CNTN3: variants seen among roughly 807,000 people sequenced by gnomAD.
CNTN3 encodes the protein contactin-3.
CNTN3 carries 60 observed loss-of-function variants against 119.1 expected under a neutral mutation model. That is an observed-to-expected ratio of 0.50 (90% CI 0.41 to 0.62). The LOEUF (loss-of-function observed/expected upper bound fraction) is 0.62. Among genes scored for constraint, CNTN3 ranks in the 20% least tolerant of loss-of-function variants. CNTN3 has a pLI of 0.00. For missense variants in CNTN3, 1,101 were observed against 1,242.4 expected (o/e 0.89, Z 1.71); for synonymous variants, 450 against 438.7 (o/e 1.03, Z -0.32).
At chr3:74,603,495 C>G (rs1037653700) in intron 1 of CNTN3, among the ~76,000 whole-genome samples, 5 of 152,120 alleles carry the variant, frequency 3.3e-5, no homozygotes, top group African/African-American at 1.2e-4. Flanking sequence ...ACCCACAGCT[C>G]TCATGCAACG....
intron 4 of CNTN3, among the ~76,000 whole-genome samples, chr3:74,465,328 A>C (rs1471785342): frequency 6.6e-6 from 1 of 152,180 alleles, no homozygotes; most frequent in Non-Finnish European, 1.5e-5. Context: ...AACAACAACA[A>C]AAAGGTCTTT....
chr3:74,408,349 T>C (rs963184297), intron 5 of CNTN3, among the ~76,000 whole-genome samples: 7 of 152,160 alleles, frequency 4.6e-5, no homozygotes, highest in African/African-American at 1.4e-4. Flanking sequence ...AAGATTTGCA[T>C]TGAGTAAGTC....
intron 1 of CNTN3, among the ~76,000 whole-genome samples, chr3:74,557,727 GAA>G (rs5850189): frequency 1.5e-5 from 2 of 136,948 alleles, no homozygotes; most frequent in Admixed American, 7.5e-5. Flanking sequence ...AGCAACAGAT[GAA>G]AAAAAAAAAA....
chr3:74,524,621 G>A (rs918795128), intron 1 of CNTN3, among the ~76,000 whole-genome samples: 9 of 151,758 alleles, frequency 5.9e-5, no homozygotes, highest in Non-Finnish European at 8.8e-5. Flanking sequence ...GGATTTATTA[G>A]GTGGCAGATA....
At position 74,469,858 on chromosome 3, in the gene CNTN3, T is replaced by C. The variant is rs146853255; in HGVS notation, c.358+16598A>G. ...GCAATCCCACTCTTAGGTATGTATA[T>C]ATCTAACAGTAATAAAAAAATATTC... On this transcript the variant is annotated intron_variant, in intron 4 of 22. Coordinates refer to ENST00000263665, the MANE Select transcript of CNTN3 (RefSeq NM_020872.3). Among the ~76,000 whole-genome samples the C allele has an allele frequency of 3.2e-3, 489 of 152,254 alleles. 3 individuals carry two copies. Among genetic ancestry groups the C allele is most frequent in the African/African-American group, 0.011 (468 of 41,524 alleles).
intron 13 of CNTN3, among the ~76,000 whole-genome samples, chr3:74,322,450 T>C (rs760756464): frequency 3.2e-4 from 49 of 152,164 alleles, no homozygotes; most frequent in Non-Finnish European, 5.4e-4. Context: ...GAGATACCAC[T>C]ACATATCTAT....
chr3:74,477,505 A>G (rs1395246404), intron 4 of CNTN3, among the ~76,000 whole-genome samples: 2 of 152,244 alleles, frequency 1.3e-5, no homozygotes, highest in African/African-American at 4.8e-5. Context: ...AAAGACAAAC[A>G]CTGCATATTA....
chr3:74,389,731 T>A (rs1171176089), intron 5 of CNTN3, among the ~76,000 whole-genome samples: 1 of 152,190 alleles, frequency 6.6e-6, no homozygotes, highest in Non-Finnish European at 1.5e-5. Flanking sequence ...GAACCCAGCG[T>A]AATTCCTAAG....
At chr3:74,510,263 AT>A (rs5850187) in intron 2 of CNTN3, among the ~76,000 whole-genome samples, 117,824 of 151,750 alleles carry the variant, frequency 0.78, 45,964 homozygotes, top group Middle Eastern at 0.83. Flanking sequence ...AATATATTAT[AT>A]AAAAATATGA....
intron 11 of CNTN3, 68 bp downstream of exon 11, chr3:74,361,822 A>G (rs1704078685): frequency 6.9e-7 from 1 of 1,441,310 alleles, no homozygotes; most frequent in Admixed American, 2.4e-5. Context: ...CATATTTAAA[A>G]CCTATGTTGA....
chr3:74,559,352 C>T (rs917108285), intron 1 of CNTN3, among the ~76,000 whole-genome samples: 2 of 152,186 alleles, frequency 1.3e-5, no homozygotes, highest in South Asian at 2.1e-4. Flanking sequence ...GAGATGTTGA[C>T]GATTCTTCCG....
intron 1 of CNTN3, among the ~76,000 whole-genome samples, chr3:74,562,026 G>A (rs937124723): frequency 1.3e-5 from 2 of 152,106 alleles, no homozygotes; most frequent in African/African-American, 4.8e-5. Flanking sequence ...GAGGTACGAA[G>A]TATGCTGTTC....
intron 1 of CNTN3, among the ~76,000 whole-genome samples, chr3:74,553,821 T>G (rs1704029828): frequency 1.3e-5 from 2 of 152,124 alleles, no homozygotes; most frequent in African/African-American, 4.8e-5. Context: ...ATATTAGCCC[T>G]CCGTCAGATG....
At chr3:74,285,712 T>C (rs1412494712) in intron 19 of CNTN3, among the ~76,000 whole-genome samples, 1 of 143,540 alleles carries the variant, frequency 7.0e-6, no homozygotes, top group Non-Finnish European at 1.5e-5. Flanking sequence ...CAAATAAATA[T>C]ATGAACCAGA....
At chr3:74,336,750 G>T in intron 11 of CNTN3, 92 bp from the exon 12 acceptor site, 1 of 1,049,866 alleles carries the variant, frequency 9.5e-7, no homozygotes, top group Non-Finnish European at 1.3e-6. Context: ...GTTGCCTTAA[G>T]CTAGTATTTT....
intron 1 of CNTN3, among the ~76,000 whole-genome samples, chr3:74,573,170 G>GAATGTATT (rs1175324202): frequency 6.6e-6 from 1 of 152,140 alleles, no homozygotes; most frequent in Non-Finnish European, 1.5e-5. Context: ...TAGTCAACAT[G>GAATGTATT]AATGTATTAA....
At chr3:74,594,272 T>C (rs1032195570) in intron 1 of CNTN3, among the ~76,000 whole-genome samples, 3 of 138,972 alleles carry the variant, frequency 2.2e-5, no homozygotes, top group Admixed American at 1.4e-4. Context: ...TTTCTTTTTT[T>C]CTTTTTTTTT....
intron 1 of CNTN3, among the ~76,000 whole-genome samples, chr3:74,592,622 T>C (rs1704723300): frequency 1.3e-5 from 2 of 152,038 alleles, no homozygotes; most frequent in Admixed American, 1.3e-4. Context: ...ATATGCTGAG[T>C]CACTGTTTTC....
At chr3:74,470,813 A>C (rs888638581) in intron 4 of CNTN3, among the ~76,000 whole-genome samples, 4 of 152,160 alleles carry the variant, frequency 2.6e-5, no homozygotes, top group Non-Finnish European at 5.9e-5. Flanking sequence ...TGTGAACTGC[A>C]CTACTATCCA....
Sources: allele counts gnomAD v4.1 joint callset (sites outside exome capture counted in the v4.1 genomes callset), GRCh38; gene constraint gnomAD v4.1.1; transcripts MANE v1.5; gene names NCBI Gene and HGNC (gene_info 2026-07-23, HGNC 2026-07-21).